Variants in CDCA7 observed in about 807,000 individuals in gnomAD.
The protein encoded by CDCA7 is cell division cycle-associated protein 7.
CDCA7 carries 28 observed loss-of-function variants against 54.0 expected under a neutral mutation model. The observed-to-expected ratio is 0.52, with a 90% CI of 0.38 to 0.71. The LOEUF is 0.71. Ranked by LOEUF, CDCA7 falls within the 30% of genes least tolerant of loss-of-function variation. The pLI is 0.00. For synonymous variants in CDCA7, 180 were observed against 208.2 expected (o/e 0.86, Z 1.16); for missense variants, 484 against 586.0 (o/e 0.83, Z 1.80).
chr2:173,359,419 C>G lies in CDCA7; in HGVS notation c.312C>G (p.Ala104=). 6.2e-7 allele frequency: 1 copy of G among 1,614,012 alleles called. No individual in the cohort carries two copies. The highest frequency in any genetic ancestry group is 8.5e-7 in the Non-Finnish European group (1 of 1,180,016). Residue 104 remains alanine, a synonymous_variant, in exon 3 of 10, where the codon GCC becomes GCG. Coordinates refer to ENST00000306721, the MANE Select transcript of CDCA7 (RefSeq NM_031942.5). ...GGCCAGATGTCACTAACGAACTGGC[C>G]GGTATTTTTCATGCCGACTCTGACG... ...KPRPDVTNEL[A]GIFHADSDDE...
At chr2:173,365,935 T>C (rs1305971648) in intron 7 of CDCA7, among the ~76,000 whole-genome samples, 8 of 152,224 alleles carry the variant, frequency 5.3e-5, no homozygotes, top group Non-Finnish European at 1.2e-4. Context: ...TTTGGGTAGG[T>C]TATTTTTTAA....
chr2:173,366,152 C>T lies in CDCA7; in HGVS notation c.1036-131C>T, dbSNP rs910731975. 2.9e-6 allele frequency: 3 copies of T among 1,037,124 alleles called. No individual in the cohort carries two copies. Among genetic ancestry groups the T allele is most frequent in the Admixed American group, 2.7e-5 (1 of 36,820 alleles). The allele number at this position is 1,037,124 out of a possible 1,614,324, so 64.2% of individuals were successfully genotyped here. ...GTTATTTTTCATACCCTGGCATATA[C>T]ATGTGTATGTAGAGATTCATAGACA... On this transcript the variant is annotated intron_variant, in intron 7 of 9. Transcript: ENST00000306721. This position sits in a 1 kb window ranked among gnomAD's most constrained non-coding sequence, Gnocchi z 4.5.
chr2:173,368,301 T>A lies in CDCA7; in HGVS notation c.*637T>A, dbSNP rs1288315069. The A allele has an allele frequency of 6.6e-6, 1 of 152,460 alleles. No homozygotes were observed. Among genetic ancestry groups the A allele is most frequent in the East Asian group, 1.9e-4 (1 of 5,210 alleles). 9.4% of individuals were successfully genotyped at this position (152,460 alleles called of 1,614,324 possible). On this transcript the variant is annotated 3_prime_UTR_variant, in exon 10 of 10. Transcript: ENST00000306721. The stretch of plus-strand genomic sequence containing the variant: ...TTCTGCCCGAAGGGTAAGTGGTGCG[T>A]CCAGCTTACACAATCATAATTCAAA...
intron 6 of CDCA7, 126 bp downstream of exon 6, chr2:173,365,115 C>T: frequency 7.3e-7 from 1 of 1,369,776 alleles, no homozygotes; most frequent in Non-Finnish European, 9.5e-7. Flanking sequence ...TTCCTCTAAC[C>T]ATTCAGAACT....
Position 173,364,909 on chromosome 2 carries a change from G to C in CDCA7, c.814G>C (p.Ala272Pro), listed in dbSNP as rs772080685. 1.2e-6 allele frequency: 2 copies of C among 1,610,034 alleles called. No homozygotes were observed. Among genetic ancestry groups the C allele is most frequent in the Non-Finnish European group, 1.7e-6 (2 of 1,178,742 alleles). Residue 272 changes from alanine (A) to proline (P), a missense_variant, in exon 6 of 10, where the codon GCT (alanine) becomes CCT (proline). By Grantham distance (27) the Ala-to-Pro change is conservative. Transcript: ENST00000306721. Reference protein sequence around the residue: ...SRSRILGSLDALPMEEEEEED... With the variant: ...SRSRILGSLDPLPMEEEEEED... ...GTCCCGGATCCTCGGGTCCCTTGAC[G>C]CTCTACCCATGGAGGAGGAGGAGGA... is the stretch of plus-strand genomic sequence containing the variant.
At chr2:173,367,348 G>A (rs3816061) in intron 9 of CDCA7, 62 bp downstream of exon 9, 438,693 of 1,602,448 alleles carry the variant, frequency 0.27, 63,726 homozygotes, top group African/African-American at 0.49. Context: ...GTCTTAATGA[G>A]AAGATGATAG....
chr2:173,362,108 C>T (rs1190402643), intron 3 of CDCA7, among the ~76,000 whole-genome samples: 1 of 152,200 alleles, frequency 6.6e-6, no homozygotes, highest in Non-Finnish European at 1.5e-5. Flanking sequence ...TGAGCTACCG[C>T]ACCCAGCCTT....
Position 173,363,832 on chromosome 2 carries a change from G to A in CDCA7, c.636G>A (p.Met212Ile). 1 of 1,614,186 alleles carries A rather than the reference G, an allele frequency of 6.2e-7. No homozygotes were observed. The highest frequency in any genetic ancestry group is 8.5e-7 in the Non-Finnish European group (1 of 1,180,026). Residue 212 changes from methionine to isoleucine, a missense_variant, in exon 5 of 10, where the codon ATG (methionine) becomes ATA (isoleucine). By Grantham distance (10) the Met-to-Ile change is conservative. Transcript: ENST00000306721. ...KQNKAMLAKL[M>I]SELESFPGSF... ...TCCCTTTTTAGCTTGCAAAACTCATGTCTGAATTAGAAAGCTTCCCTGGCT... is the reference window on the plus strand; with the variant it reads ...TCCCTTTTTAGCTTGCAAAACTCATATCTGAATTAGAAAGCTTCCCTGGCT...
intron 3 of CDCA7, among the ~76,000 whole-genome samples, chr2:173,360,173 G>A (rs1288638169): frequency 6.6e-6 from 1 of 152,186 alleles, no homozygotes; most frequent in East Asian, 1.9e-4. Flanking sequence ...GGTCTGACAT[G>A]GATCCACTGC....
chr2:173,357,499 G>A (rs1686531535), intron 1 of CDCA7, among the ~76,000 whole-genome samples: 1 of 152,206 alleles, frequency 6.6e-6, no homozygotes, highest in African/African-American at 2.4e-5. Flanking sequence ...AAGGACTTCT[G>A]TGGAAATCAC....
chr2:173,354,955 G>C lies in CDCA7; in HGVS notation c.-9G>C. 6.9e-7 allele frequency: 1 copy of C among 1,458,618 alleles called. No homozygotes were observed. The highest frequency in any genetic ancestry group is 9.0e-7 in the Non-Finnish European group (1 of 1,111,816). The allele number at this position is 1,458,618 out of a possible 1,614,324, so 90.4% of individuals were successfully genotyped here. On this transcript the variant is annotated 5_prime_UTR_variant, in exon 1 of 10. Transcript: ENST00000306721. Reference sequence around the variant, plus strand: ...GCTCCAAGCGCCGATCTGGGCACCCGCCACCAGCATGGACGCTCGCCGCGT... The same window carrying C: ...GCTCCAAGCGCCGATCTGGGCACCCCCCACCAGCATGGACGCTCGCCGCGT...
chr2:173,359,157 C>A, intron 2 of CDCA7, 98 bp from the exon 3 acceptor site: 1 of 951,588 alleles, frequency 1.1e-6, no homozygotes, highest in Non-Finnish European at 1.6e-6. Context: ...TCTTGTAGTG[C>A]ACTTGTAAAT....
At position 173,357,087 on chromosome 2, in the gene CDCA7, T is replaced by C. The variant is rs144693574; in HGVS notation, c.22-1625T>C. ...GAGCTTGCCCTTTCAAAGTTTTCAG[T>C]GTAAGGAATCACTTCTGCTATTCCA... On this transcript the variant is annotated intron_variant, in intron 1 of 9. Coordinates refer to ENST00000306721, the MANE Select transcript of CDCA7 (RefSeq NM_031942.5). Among the ~76,000 whole-genome samples, 543 of 152,346 alleles carry C rather than the reference T, an allele frequency of 3.6e-3. 1 individual carries two copies. Among genetic ancestry groups the C allele is most frequent in the Non-Finnish European group, 6.5e-3 (441 of 68,028 alleles).
At chr2:173,359,800 C>G (rs956537767) in intron 3 of CDCA7, among the ~76,000 whole-genome samples, 1 of 152,176 alleles carries the variant, frequency 6.6e-6, no homozygotes, top group African/African-American at 2.4e-5. Context: ...TAAATATTAT[C>G]TACATTTGCA....
intron 1 of CDCA7, 117 bp downstream of exon 1, chr2:173,355,101 T>C: frequency 8.7e-7 from 1 of 1,143,344 alleles, no homozygotes; most frequent in Non-Finnish European, 1.1e-6. Context: ...GTGGCCTGCC[T>C]AGGCGTTGCC....
intron 4 of CDCA7, 53 bp downstream of exon 4, chr2:173,363,515 TACTTA>T: frequency 1.3e-6 from 2 of 1,497,620 alleles, no homozygotes; most frequent in Non-Finnish European, 1.8e-6. Flanking sequence ...AGCGACTCAT[TACTTA>T]AATCTGTTCC....
At chr2:173,360,582 G>A (rs966137055) in intron 3 of CDCA7, among the ~76,000 whole-genome samples, 5 of 152,088 alleles carry the variant, frequency 3.3e-5, no homozygotes, top group African/African-American at 9.7e-5. Context: ...GGGCTTAAGC[G>A]ATTCTCCCTC....
At chr2:173,356,167 C>T (rs1330371758) in intron 1 of CDCA7, 2 of 152,202 alleles carry the variant, frequency 1.3e-5, no homozygotes, top group African/African-American at 2.4e-5. Flanking sequence ...TATTACTTAC[C>T]TGCCAAAGAA....
rs751892875 is a variant in CDCA7, at chr2:173,367,290, G to A, written c.1322+4G>A. On this transcript the variant is annotated splice_donor_region_variant and intron_variant, in intron 9 of 9. Transcript: ENST00000306721. Reference sequence around the variant, plus strand: ...ATGTGCATGCCTACTTGAAAAGGTAGTGGGTGTTTTTTTTTCCCTTCCACA... The same window carrying A: ...ATGTGCATGCCTACTTGAAAAGGTAATGGGTGTTTTTTTTTCCCTTCCACA... 9 of 1,614,070 alleles carry A rather than the reference G, an allele frequency of 5.6e-6. No individual in the cohort carries two copies. The South Asian group carries it at 8.8e-5, about 16-fold the overall frequency.
Sources: allele counts gnomAD v4.1 joint callset (sites outside exome capture counted in the v4.1 genomes callset), GRCh38; gene constraint gnomAD v4.1.1; non-coding constraint Gnocchi (gnomAD v3.1); transcripts MANE v1.5; gene names NCBI Gene and HGNC (gene_info 2026-07-23, HGNC 2026-07-21).